The following RNF115 variants were observed in gnomAD, a reference collection of about 807,000 sequenced individuals.
RNF115 encodes the protein E3 ubiquitin-protein ligase RNF115.
In RNF115, 31 loss-of-function variants were observed where a neutral mutation model predicts 39.2. That is an observed-to-expected ratio of 0.79 (90% CI 0.59 to 1.07). The LOEUF is 1.07. Among genes scored for constraint, RNF115 ranks in the 50% least tolerant of loss-of-function variants. RNF115 has a pLI of 0.00. For synonymous variants in RNF115, 124 were observed against 131.0 expected, an observed-to-expected ratio of 0.95 and a Z score of 0.37; for missense variants, 384 against 381.7, an observed-to-expected ratio of 1.01 and a Z score of -0.05.
intron 4 of RNF115, among the ~76,000 whole-genome samples, chr1:145,764,855 T>C (rs1658701246): frequency 1.3e-5 from 2 of 148,214 alleles, no homozygotes; most frequent in South Asian, 4.4e-4. Flanking sequence ...GGGGTGCCTC[T>C]GCCCGGCCGC....
intron 4 of RNF115, 35 bp downstream of exon 4, chr1:145,771,676 C>A (rs1553715778): frequency 1.3e-6 from 2 of 1,562,614 alleles, no homozygotes; most frequent in Admixed American, 3.4e-5. Flanking sequence ...TTCATTGAAA[C>A]TACCTTAAAA....
At chr1:145,766,410 G>A (rs368686008) in intron 4 of RNF115, among the ~76,000 whole-genome samples, 2 of 152,054 alleles carry the variant, frequency 1.3e-5, no homozygotes, top group African/African-American at 4.8e-5. Context: ...ACACAGACAC[G>A]GCAACCATCT....
Position 145,747,942 on chromosome 1 carries a change from T to C in RNF115, c.783+53A>G, listed in dbSNP as rs1657934406. On this transcript the variant is annotated intron_variant, in intron 8 of 8. Coordinates refer to ENST00000582693, the MANE Select transcript of RNF115 (RefSeq NM_014455.4). ...ACTTGGATCTCGAGGAACTGTTAACTATACCTTTACTCTGAATCATCCCCC... is the reference window on the plus strand; with the variant it reads ...ACTTGGATCTCGAGGAACTGTTAACCATACCTTTACTCTGAATCATCCCCC... 2 of 1,172,588 alleles carry C rather than the reference T, an allele frequency of 1.7e-6. 1 individual carries two copies. The highest frequency in any genetic ancestry group is 2.4e-5 in the South Asian group (2 of 81,986). 72.6% of individuals were successfully genotyped at this position (1,172,588 alleles called of 1,614,324 possible). A position where few individuals can be genotyped will look rare whatever the true frequency, so the allele number is the denominator to read the frequency against.
At position 145,739,482 on chromosome 1, in the gene RNF115, A is replaced by G. The variant is rs1657626526; in HGVS notation, c.*7384T>C. ...CCTCAAACTAAGGATTTTAGACTGT[A>G]TCCCATGGAGATAAAAGGACTAGCC... On this transcript the variant is annotated 3_prime_UTR_variant, in exon 9 of 9. Coordinates refer to ENST00000582693, the MANE Select transcript of RNF115 (RefSeq NM_014455.4). 1 of 152,212 alleles carries G rather than the reference A, an allele frequency of 6.6e-6. No individual in the cohort carries two copies. Among genetic ancestry groups the G allele is most frequent in the Non-Finnish European group, 1.5e-5 (1 of 68,054 alleles). The allele number at this position is 152,212 out of a possible 1,614,324, so 9.4% of individuals were successfully genotyped here.
chr1:145,753,041 T>C lies in RNF115; in HGVS notation c.437A>G (p.Gln146Arg), dbSNP rs1456115552. 1 of 1,607,564 alleles carries C rather than the reference T, an allele frequency of 6.2e-7. No individual in the cohort carries two copies. Among genetic ancestry groups the C allele is most frequent in the Non-Finnish European group, 8.5e-7 (1 of 1,174,434 alleles). Residue 146 changes from glutamine to arginine, a missense_variant, in exon 5 of 9, where the codon CAA (glutamine) becomes CGA (arginine). Coordinates refer to ENST00000582693, the MANE Select transcript of RNF115 (RefSeq NM_014455.4). ...TGCAAAGAATCCTGCAAAGATGTGT[T>C]GTAGTATTCTGTTACAGAAGAAAAA... The part of the protein sequence containing the change: ...DRSPAIEGIL[Q>R]HIFAGFFANS...
At chr1:145,762,341 C>T (rs893104033) in intron 4 of RNF115, among the ~76,000 whole-genome samples, 2 of 152,140 alleles carry the variant, frequency 1.3e-5, no homozygotes, top group Non-Finnish European at 2.9e-5. Context: ...GTGCCTTAGC[C>T]TCCCACCATG....
At chr1:145,752,092 G>A (rs1045128036) in intron 5 of RNF115, among the ~76,000 whole-genome samples, 1 of 152,084 alleles carries the variant, frequency 6.6e-6, no homozygotes, top group African/African-American at 2.4e-5. Flanking sequence ...GATGACAGAG[G>A]TCCTAAAAGG....
chr1:145,775,024 A>G (rs1243536774), intron 3 of RNF115, among the ~76,000 whole-genome samples: 2 of 152,164 alleles, frequency 1.3e-5, no homozygotes, highest in Non-Finnish European at 2.9e-5. Context: ...AGGCAGGAGG[A>G]TCGCTTGAGC....
intron 1 of RNF115, among the ~76,000 whole-genome samples, chr1:145,812,433 G>C (rs1200701091): frequency 6.6e-6 from 1 of 150,686 alleles, no homozygotes; most frequent in Non-Finnish European, 1.5e-5. Context: ...CGAGGCAGGC[G>C]CATCACTTGC....
intron 2 of RNF115, among the ~76,000 whole-genome samples, chr1:145,785,637 G>A (rs1397026615): frequency 1.3e-5 from 2 of 152,082 alleles, no homozygotes; most frequent in African/African-American, 2.4e-5. Context: ...CACCCCAATG[G>A]TAAGTTCACA....
At chr1:145,778,962 T>A (rs1414585502) in intron 3 of RNF115, among the ~76,000 whole-genome samples, 1 of 152,220 alleles carries the variant, frequency 6.6e-6, no homozygotes, top group Non-Finnish European at 1.5e-5. Context: ...AGGATGTCCA[T>A]TTGACCACAG....
chr1:145,754,245 G>A (rs1283305397), intron 4 of RNF115, among the ~76,000 whole-genome samples: 1 of 152,132 alleles, frequency 6.6e-6, no homozygotes, highest in East Asian at 1.9e-4. Flanking sequence ...ATTGTGGAAT[G>A]ACTACATCAA....
intron 1 of RNF115, among the ~76,000 whole-genome samples, chr1:145,810,967 G>C (rs1487416006): frequency 6.7e-6 from 1 of 148,478 alleles, no homozygotes; most frequent in Non-Finnish European, 1.5e-5. Flanking sequence ...TTGGGCTCAG[G>C]TAATCCTCCC....
Position 145,751,476 on chromosome 1 carries a change from C to T in RNF115, c.535G>A (p.Ala179Thr), listed in dbSNP as rs142365641. The T allele has an allele frequency of 2.5e-6, 4 of 1,596,584 alleles. No individual in the cohort carries two copies. The African/African-American group carries it at 4.0e-5, about 16-fold the overall frequency. ...GMLHSNPGDY[A>T]WGQTGLDAIV... ...GCATCAAGCCCTGTCTGACCCCAGGCATAGTCCCCAGGGTTGGAGTGCAGC... is the reference window on the plus strand; with the variant it reads ...GCATCAAGCCCTGTCTGACCCCAGGTATAGTCCCCAGGGTTGGAGTGCAGC... The change falls in exon 6 of 9, where the codon GCC (alanine) becomes ACC (threonine). Residue 179 changes from alanine (A) to threonine (T), a missense_variant. Transcript: ENST00000582693.
intron 1 of RNF115, among the ~76,000 whole-genome samples, chr1:145,792,474 T>A (rs1648719502): frequency 6.6e-6 from 1 of 152,040 alleles, no homozygotes; most frequent in Admixed American, 6.6e-5. Context: ...AAACCCACCA[T>A]GCCTGGCCCT....
At position 145,794,844 on chromosome 1, in the gene RNF115, T is replaced by C. The variant is rs376562236; in HGVS notation, c.103-5878A>G. Reference sequence around the variant, plus strand: ...TATCCTGGCTAACACGGTGAAACCCTGTCTCTACTAAAAATACAAAAAATT... The same window carrying C: ...TATCCTGGCTAACACGGTGAAACCCCGTCTCTACTAAAAATACAAAAAATT... On this transcript the variant is annotated intron_variant, in intron 1 of 8. Coordinates refer to ENST00000582693, the MANE Select transcript of RNF115 (RefSeq NM_014455.4). 2.3e-4 allele frequency among the ~76,000 whole-genome samples: 35 copies of C among 151,772 alleles called. 1 individual carries two copies. The highest frequency in any genetic ancestry group is 6.8e-3 in the Middle Eastern group (2 of 294).
chr1:145,800,648 G>C (rs12564631), intron 1 of RNF115, among the ~76,000 whole-genome samples: 2 of 152,116 alleles, frequency 1.3e-5, no homozygotes, highest in Non-Finnish European at 2.9e-5. Flanking sequence ...CAAGTAAAAG[G>C]AAAACACCAT....
rs1263132432 is a variant in RNF115 at position 145,823,971 on chromosome 1, G to C, written c.-98C>G. 3 of 880,754 alleles carry C rather than the reference G, an allele frequency of 3.4e-6. No individual in the cohort carries two copies. Among genetic ancestry groups the C allele is most frequent in the Admixed American group, 4.2e-5 (1 of 23,586 alleles). 54.6% of individuals were successfully genotyped at this position (880,754 alleles called of 1,614,324 possible). ...CAGTCGTCGCCGCCGCCGCCGCCTCGGTGCGGCCCACCGCTTCAGAGCCCG... is the reference window on the plus strand; with the variant it reads ...CAGTCGTCGCCGCCGCCGCCGCCTCCGTGCGGCCCACCGCTTCAGAGCCCG... On this transcript the variant is annotated 5_prime_UTR_variant, in exon 1 of 9. Transcript: ENST00000582693.
rs587772500 is a variant in RNF115 at position 145,771,604 on chromosome 1, T to C, written c.428+107A>G. ...CTTTCATCCTTTCTACATATGTCCA[T>C]CTTGTCCACAAAGGTAATAAGTATG... On this transcript the variant is annotated intron_variant, in intron 4 of 8. Coordinates refer to ENST00000582693, the MANE Select transcript of RNF115 (RefSeq NM_014455.4). The C allele has an allele frequency of 3.7e-4, 308 of 838,990 alleles. No homozygotes were observed. The African/African-American group carries it at 4.9e-3, about 13-fold the overall frequency. The allele number at this position is 838,990 out of a possible 1,614,324, so 52.0% of individuals were successfully genotyped here. A position where few individuals can be genotyped will look rare whatever the true frequency, so the allele number is the denominator to read the frequency against.
Sources: gnomAD v4.1 joint callset for allele counts (sites outside exome capture counted in the v4.1 genomes callset) on GRCh38, gnomAD v4.1.1 for gene constraint, MANE v1.5 for transcripts, NCBI Gene and HGNC (gene_info 2026-07-23, HGNC 2026-07-21) for gene names.